Variants in BTBD10 observed in about 807,000 individuals in gnomAD.
BTBD10 encodes the protein BTB domain containing 10.
BTBD10 carries 21 observed loss-of-function variants against 53.2 expected under a neutral mutation model. That is an observed-to-expected ratio of 0.39 (90% CI 0.28 to 0.57). The LOEUF is 0.57. BTBD10 is among the 20% of genes least tolerant of loss of function. The pLI is 0.53. For synonymous variants in BTBD10, 149 were observed against 192.7 expected (o/e 0.77, Z 1.88); for missense variants, 360 against 594.7 (o/e 0.61, Z 4.10).
intron 8 of BTBD10, among the ~76,000 whole-genome samples, chr11:13,400,144 G>A (rs1322695203): frequency 2.6e-5 from 4 of 152,232 alleles, no homozygotes; most frequent in Non-Finnish European, 2.9e-5. Context: ...TGCCCCCAAA[G>A]GGGGAGCCTA....
At chr11:13,453,376 C>A (rs1175357816) in intron 1 of BTBD10, among the ~76,000 whole-genome samples, 2 of 152,108 alleles carry the variant, frequency 1.3e-5, no homozygotes, top group Admixed American at 6.5e-5. Flanking sequence ...AGAAATATCA[C>A]ATAAAATTAA....
In BTBD10 at chr11:13,458,632, G is replaced by T. The variant is rs953007252; in HGVS notation, c.-58+4460C>A. ...CTCTTCCAAAAATTGGAGTATTAAT[G>T]GTTTTAAAGTTACTTTCAGTATTAT... On this transcript the variant is annotated intron_variant, in intron 1 of 8. Coordinates refer to ENST00000278174, the MANE Select transcript of BTBD10 (RefSeq NM_032320.7). Among the ~76,000 whole-genome samples, 45 of 152,070 alleles carry T rather than the reference G, an allele frequency of 3.0e-4. 1 individual carries two copies. Among genetic ancestry groups the T allele is most frequent in the Admixed American group, 3.9e-4 (6 of 15,268 alleles).
At chr11:13,433,459 T>G (rs1182675094) in intron 2 of BTBD10, among the ~76,000 whole-genome samples, 1 of 152,234 alleles carries the variant, frequency 6.6e-6, no homozygotes, top group East Asian at 1.9e-4. Flanking sequence ...AAAAATTAGC[T>G]GATTTTTTTA....
chr11:13,405,596 T>C lies in BTBD10; in HGVS notation c.1006+63A>G, dbSNP rs781388449. On this transcript the variant is annotated intron_variant, in intron 7 of 8. Coordinates refer to ENST00000278174, the MANE Select transcript of BTBD10 (RefSeq NM_032320.7). ...GGCTGGTCTATGAGAAGAGCTCTTCTTTACATAAACAAGAAATAATTCGTG... is the reference window on the plus strand; with the variant it reads ...GGCTGGTCTATGAGAAGAGCTCTTCCTTACATAAACAAGAAATAATTCGTG... 2.5e-6 allele frequency: 4 copies of C among 1,583,230 alleles called. No individual in the cohort carries two copies. The South Asian group carries it at 4.5e-5, about 18-fold the overall frequency.
At chr11:13,393,090 G>A (rs965567486) in intron 8 of BTBD10, among the ~76,000 whole-genome samples, 1 of 152,166 alleles carries the variant, frequency 6.6e-6, no homozygotes, top group African/African-American at 2.4e-5. Flanking sequence ...TTGTGGTGTG[G>A]AGAATGATTT....
At chr11:13,405,547 G>A in intron 7 of BTBD10, 112 bp downstream of exon 7, 1 of 1,126,826 alleles carries the variant, frequency 8.9e-7, no homozygotes, top group Non-Finnish European at 1.3e-6. Context: ...TATAAAAATA[G>A]GTGATGGGCT....
At chr11:13,410,406 T>C (rs2044555) in intron 6 of BTBD10, among the ~76,000 whole-genome samples, 151,400 of 152,238 alleles carry the variant, frequency 0.99, 75,289 homozygotes, top group Middle Eastern at 1. Context: ...AAAAGAAATG[T>C]CTTTATTTTT....
chr11:13,439,890 T>G, intron 2 of BTBD10: 1 of 1,529,088 alleles, frequency 6.5e-7, no homozygotes, highest in Middle Eastern at 1.7e-4. Flanking sequence ...ACACCTTCCT[T>G]TAGTATATGC....
intron 1 of BTBD10, among the ~76,000 whole-genome samples, chr11:13,457,454 C>T (rs1226180706): frequency 6.6e-6 from 1 of 152,088 alleles, no homozygotes; most frequent in African/African-American, 2.4e-5. Flanking sequence ...CAAAATACAT[C>T]GTTAGGTTAA....
At chr11:13,426,269 T>C (rs913628212) in intron 2 of BTBD10, among the ~76,000 whole-genome samples, 5 of 152,198 alleles carry the variant, frequency 3.3e-5, no homozygotes, top group African/African-American at 1.2e-4. Context: ...AGGATCTGCA[T>C]TGATTTGTCG....
At chr11:13,412,978 G>C (rs1949996425) in intron 6 of BTBD10, among the ~76,000 whole-genome samples, 1 of 152,156 alleles carries the variant, frequency 6.6e-6, no homozygotes. Context: ...ACCAATCAAA[G>C]AGTTGGGATT....
chr11:13,425,167 T>C (rs1950312967), intron 2 of BTBD10, among the ~76,000 whole-genome samples: 1 of 152,160 alleles, frequency 6.6e-6, no homozygotes. Flanking sequence ...GGGTCAGGAA[T>C]AGGTCCTGTT....
intron 8 of BTBD10, among the ~76,000 whole-genome samples, chr11:13,402,802 T>C (rs894650004): frequency 6.6e-6 from 1 of 152,186 alleles, no homozygotes; most frequent in African/African-American, 2.4e-5. Context: ...TTTAATTCTG[T>C]TGGGCTTCAA....
intron 2 of BTBD10, among the ~76,000 whole-genome samples, chr11:13,434,634 G>A (rs2134006480): frequency 6.6e-6 from 1 of 152,328 alleles, no homozygotes; most frequent in South Asian, 2.1e-4. Flanking sequence ...GCACTGAAGT[G>A]TGAATTAAAT....
At chr11:13,434,677 G>A (rs1032962608) in intron 2 of BTBD10, among the ~76,000 whole-genome samples, 21 of 152,196 alleles carry the variant, frequency 1.4e-4, no homozygotes, top group African/African-American at 4.3e-4. Flanking sequence ...GATCACTCTA[G>A]CTGCAAAGCA....
chr11:13,403,390 G>A (rs1949751928), intron 7 of BTBD10, 112 bp from the exon 8 acceptor site: 1 of 535,018 alleles, frequency 1.9e-6, no homozygotes, highest in African/African-American at 2.0e-5. Context: ...CCAAATAATG[G>A]ATGCAGTAAT....
intron 2 of BTBD10, among the ~76,000 whole-genome samples, chr11:13,434,134 G>C (rs1399260778): frequency 6.6e-6 from 1 of 152,040 alleles, no homozygotes; most frequent in African/African-American, 2.4e-5. Context: ...AATATGTATA[G>C]CCTAAAAATA....
rs1448629966 is a variant in BTBD10 at position 13,449,849 on chromosome 11, AC to A, written c.-57-4669del. The stretch of plus-strand genomic sequence containing the variant: ...GATAACTGACCAACTCCTGAAATTA[AC>A]TACATTAATCCATTTATTAGGGCTC... On this transcript the variant is annotated intron_variant, in intron 1 of 8. Transcript: ENST00000278174. Among the ~76,000 whole-genome samples the A allele has an allele frequency of 2.0e-5, 3 of 152,178 alleles. No individual in the cohort carries two copies. The East Asian group carries it at 5.8e-4, about 29-fold the overall frequency.
chr11:13,392,219 T>C (rs1949427339), intron 8 of BTBD10, among the ~76,000 whole-genome samples: 1 of 152,228 alleles, frequency 6.6e-6, no homozygotes, highest in South Asian at 2.1e-4. Context: ...ATTCAGAAGA[T>C]GAATGAGATT....
Sources: allele counts gnomAD v4.1 joint callset (sites outside exome capture counted in the v4.1 genomes callset), GRCh38; gene constraint gnomAD v4.1.1; transcripts MANE v1.5; gene names NCBI Gene and HGNC (gene_info 2026-07-23, HGNC 2026-07-21).